VPS41: variants seen among roughly 807,000 people sequenced by gnomAD.
VPS41 encodes VPS41 subunit of HOPS complex.
In VPS41, 85 loss-of-function variants were observed where a neutral mutation model predicts 130.9. That is an observed-to-expected ratio of 0.65 (90% CI 0.55 to 0.78). The LOEUF is 0.78. Ranked by LOEUF, VPS41 falls within the 30% of genes least tolerant of loss-of-function variation. VPS41 has a pLI of 0.00. For missense variants in VPS41, 874 were observed against 1,018.7 expected (o/e 0.86, Z 1.93); for synonymous variants, 335 against 332.9 (o/e 1.01, Z -0.07).
intron 7 of VPS41, among the ~76,000 whole-genome samples, chr7:38,802,960 A>G (rs1044153556): frequency 3.3e-5 from 5 of 152,254 alleles, no homozygotes; most frequent in African/African-American, 7.2e-5. Flanking sequence ...AGCTGTTTCC[A>G]AGAGGTCTAT....
chr7:38,748,227 GC>G (rs1796025342), intron 22 of VPS41, among the ~76,000 whole-genome samples: 1 of 152,064 alleles, frequency 6.6e-6, no homozygotes, highest in Admixed American at 6.6e-5. Flanking sequence ...GCGCGTGCGC[GC>G]ACACACACGC....
In VPS41 at chr7:38,723,132, G is replaced by C. The variant is rs181608444; in HGVS notation, c.*3114C>G. The C allele has an allele frequency of 6.6e-6, 1 of 152,292 alleles. No individual in the cohort carries two copies. Among genetic ancestry groups the C allele is most frequent in the Admixed American group, 6.5e-5 (1 of 15,298 alleles). 9.4% of individuals were successfully genotyped at this position (152,292 alleles called of 1,614,324 possible). A position where few individuals can be genotyped will look rare whatever the true frequency, so the allele number is the denominator to read the frequency against. ...TTCATCTCTGTCGTCTTCATACTGA[G>C]TAGGCTGAGAAGGAGGAGGAAGGGG... On this transcript the variant is annotated 3_prime_UTR_variant, in exon 29 of 29. Coordinates refer to ENST00000310301, the MANE Select transcript of VPS41 (RefSeq NM_014396.4).
chr7:38,736,601 T>C (rs894107059), intron 25 of VPS41, among the ~76,000 whole-genome samples: 44 of 152,212 alleles, frequency 2.9e-4, no homozygotes, highest in Admixed American at 2.2e-3. Context: ...TGAATGCATC[T>C]CCAGAGACCA....
rs1478787612 is a variant in VPS41, at chr7:38,725,755, G to A, written c.*491C>T. ...TGTTTCATTAAATGCCTATTTAGAG[G>A]ATAACCATAGTTGATGACACAGAAA... is the stretch of plus-strand genomic sequence containing the variant. On this transcript the variant is annotated 3_prime_UTR_variant, in exon 29 of 29. Coordinates refer to ENST00000310301, the MANE Select transcript of VPS41 (RefSeq NM_014396.4). 6.4e-6 allele frequency: 1 copy of A among 155,176 alleles called. No homozygotes were observed. Among genetic ancestry groups the A allele is most frequent in the Non-Finnish European group, 1.4e-5 (1 of 70,136 alleles). The allele number at this position is 155,176 out of a possible 1,614,324, so 9.6% of individuals were successfully genotyped here.
intron 5 of VPS41, among the ~76,000 whole-genome samples, chr7:38,826,117 A>T (rs548749944): frequency 6.6e-6 from 1 of 152,256 alleles, no homozygotes; most frequent in South Asian, 2.1e-4. Context: ...ACTAACAGAG[A>T]CCAGAGAGTG....
At chr7:38,831,158 T>C in intron 4 of VPS41, 3 of 468,548 alleles carry the variant, frequency 6.4e-6, no homozygotes, top group Non-Finnish European at 1.3e-5. Flanking sequence ...CTTGAGTTCA[T>C]CAAACTACAT....
At chr7:38,742,971 C>T (rs928262042) in intron 24 of VPS41, among the ~76,000 whole-genome samples, 1 of 152,116 alleles carries the variant, frequency 6.6e-6, no homozygotes, top group Non-Finnish European at 1.5e-5. Context: ...TACTACAACA[C>T]AAACATCCAA....
intron 25 of VPS41, among the ~76,000 whole-genome samples, chr7:38,736,272 C>A (rs968742598): frequency 2.6e-5 from 4 of 152,200 alleles, no homozygotes; most frequent in Admixed American, 6.5e-5. Flanking sequence ...GGTTTAAGGA[C>A]ATGCTCCCTA....
At chr7:38,757,241 T>C (rs935422747) in intron 18 of VPS41, among the ~76,000 whole-genome samples, 8 of 152,178 alleles carry the variant, frequency 5.3e-5, no homozygotes, top group African/African-American at 1.4e-4. Context: ...ATGGTCTTTA[T>C]TGGGGGTCTC....
chr7:38,838,252 G>A (rs1785537112), intron 4 of VPS41, among the ~76,000 whole-genome samples: 1 of 151,946 alleles, frequency 6.6e-6, no homozygotes, highest in Non-Finnish European at 1.5e-5. Context: ...AAAAAAAATG[G>A]AAAGAGAGAA....
chr7:38,763,667 C>CT, intron 16 of VPS41, 120 bp from the exon 17 acceptor site: 1 of 552,140 alleles, frequency 1.8e-6, no homozygotes, highest in Admixed American at 3.6e-5. Context: ...ATACAGTACT[C>CT]TGAAAAAAAT....
intron 2 of VPS41, among the ~76,000 whole-genome samples, chr7:38,870,177 T>C (rs976687460): frequency 1.3e-5 from 2 of 152,028 alleles, no homozygotes; most frequent in South Asian, 2.1e-4. Flanking sequence ...GTGACAAAAC[T>C]GGAGAGAGAC....
chr7:38,883,167 T>C (rs11980177), intron 2 of VPS41, among the ~76,000 whole-genome samples: 141,903 of 152,242 alleles, frequency 0.93, 66,287 homozygotes, highest in East Asian at 1. Context: ...CACTTGAACC[T>C]GGGAGGCAGA....
At chr7:38,827,319 A>G (rs981753433) in intron 5 of VPS41, among the ~76,000 whole-genome samples, 1 of 152,248 alleles carries the variant, frequency 6.6e-6, no homozygotes, top group Non-Finnish European at 1.5e-5. Context: ...CTACACAGAA[A>G]TAAAAGGCTA....
chr7:38,897,673 C>G (rs1207557577), intron 2 of VPS41, among the ~76,000 whole-genome samples: 2 of 151,188 alleles, frequency 1.3e-5, no homozygotes, highest in African/African-American at 4.9e-5. Flanking sequence ...GAAGCAAACT[C>G]CAATTTCAAT....
chr7:38,754,588 G>C (rs1480398609), intron 21 of VPS41, 114 bp downstream of exon 21: 3 of 809,526 alleles, frequency 3.7e-6, no homozygotes, highest in Non-Finnish European at 6.0e-6. Context: ...ACCTCCAACT[G>C]GAATATTAAC....
intron 21 of VPS41, among the ~76,000 whole-genome samples, chr7:38,754,139 A>G (rs1783741162): frequency 6.6e-6 from 1 of 152,204 alleles, no homozygotes; most frequent in South Asian, 2.1e-4. Flanking sequence ...CACAACCACC[A>G]ATAGCACACA....
intron 1 of VPS41, among the ~76,000 whole-genome samples, chr7:38,901,078 C>T (rs1326911912): frequency 1.3e-5 from 2 of 152,068 alleles, no homozygotes; most frequent in Non-Finnish European, 2.9e-5. Flanking sequence ...AACTTCAAAT[C>T]CTGAAATGTA....
At chr7:38,897,030 C>A (rs929510723) in intron 2 of VPS41, among the ~76,000 whole-genome samples, 17 of 151,766 alleles carry the variant, frequency 1.1e-4, no homozygotes, top group African/African-American at 4.1e-4. Context: ...CCTGTCTCTA[C>A]TAAAAATACA....
Sources: allele counts gnomAD v4.1 joint callset (sites outside exome capture counted in the v4.1 genomes callset), GRCh38; gene constraint gnomAD v4.1.1; transcripts MANE v1.5; gene names NCBI Gene and HGNC (gene_info 2026-07-23, HGNC 2026-07-21).